The following PCDH9 variants were observed in gnomAD, a reference collection of about 807,000 sequenced individuals.
The protein encoded by PCDH9 is protocadherin-9.
PCDH9 carries 24 observed loss-of-function variants against 70.6 expected under a neutral mutation model. That is an observed-to-expected ratio of 0.34 (90% CI 0.25 to 0.48). PCDH9 has a LOEUF of 0.48. PCDH9 is among the 20% of genes least tolerant of loss of function. The pLI is 0.99. For missense variants in PCDH9, 1,281 were observed against 1,503.6 expected (o/e 0.85, Z 2.45); for synonymous variants, 562 against 558.5 (o/e 1.01, Z -0.09).
chr13:66,939,162 G>T (rs1354724084), intron 2 of PCDH9, among the ~76,000 whole-genome samples: 2 of 151,832 alleles, frequency 1.3e-5, no homozygotes, highest in African/African-American at 4.8e-5. Flanking sequence ...TACTGTATAA[G>T]ATTCCATGTA....
intron 3 of PCDH9, among the ~76,000 whole-genome samples, chr13:66,759,079 C>T (rs2079581974): frequency 6.6e-6 from 1 of 151,724 alleles, no homozygotes; most frequent in Admixed American, 6.6e-5. Flanking sequence ...CTCTTTGTTT[C>T]ATTAATCTTT....
intron 2 of PCDH9, among the ~76,000 whole-genome samples, chr13:67,048,395 AT>A (rs1367024878): frequency 6.6e-6 from 1 of 152,140 alleles, no homozygotes; most frequent in Non-Finnish European, 1.5e-5. Flanking sequence ...GCCCTGGCCC[AT>A]ATGCTCAGGG....
intron 4 of PCDH9, among the ~76,000 whole-genome samples, chr13:66,426,123 G>A (rs9540754): frequency 0.82 from 124,193 of 151,320 alleles, 52,513 homozygotes; most frequent in South Asian, 0.95. Context: ...CATTCATTAC[G>A]GAAAAAAGTT....
At position 67,167,568 on chromosome 13, in the gene PCDH9, A is replaced by G. The variant is rs147335837; in HGVS notation, c.3036+57837T>C. ...CTTCTAACTCATTTGCTTTAAGTCA[A>G]TATCTTTTTCTTTACAGTGTTGACA... is the stretch of plus-strand genomic sequence containing the variant. On this transcript the variant is annotated intron_variant, in intron 2 of 4. Transcript: ENST00000377865. Among the ~76,000 whole-genome samples the G allele has an allele frequency of 8.3e-4, 126 of 152,272 alleles. 3 individuals carry two copies. In the East Asian group the frequency reaches 0.023, roughly 28 times the overall value.
intron 3 of PCDH9, among the ~76,000 whole-genome samples, chr13:66,857,648 T>C (rs1399085355): frequency 2.0e-5 from 3 of 152,152 alleles, no homozygotes; most frequent in African/African-American, 4.8e-5. Context: ...ATTCATTCTT[T>C]ATTTGGGGGC....
chr13:66,505,735 A>C (rs530069134), intron 4 of PCDH9, among the ~76,000 whole-genome samples: 27 of 152,296 alleles, frequency 1.8e-4, no homozygotes, highest in Admixed American at 4.6e-4. Flanking sequence ...CACCACTATG[A>C]TTCAATTACC....
chr13:66,893,810 T>C (rs1458867714), intron 3 of PCDH9, among the ~76,000 whole-genome samples: 1 of 152,176 alleles, frequency 6.6e-6, no homozygotes, highest in Non-Finnish European at 1.5e-5. Flanking sequence ...TGTTTCCTCA[T>C]GCTATTCCAT....
At chr13:66,354,590 C>T (rs960743698) in intron 4 of PCDH9, among the ~76,000 whole-genome samples, 3 of 151,224 alleles carry the variant, frequency 2.0e-5, no homozygotes, top group Admixed American at 6.6e-5. Flanking sequence ...TTTCTAATAG[C>T]GGTAGAAGGG....
intron 3 of PCDH9, among the ~76,000 whole-genome samples, chr13:66,817,931 T>G (rs1036053830): frequency 1.3e-5 from 2 of 152,166 alleles, no homozygotes; most frequent in African/African-American, 4.8e-5. Flanking sequence ...CCCGGTCTGA[T>G]TTTTATTTTT....
chr13:66,393,382 A>G (rs1957050904), intron 4 of PCDH9, among the ~76,000 whole-genome samples: 1 of 152,164 alleles, frequency 6.6e-6, no homozygotes, highest in African/African-American at 2.4e-5. Context: ...ATATGTAAAG[A>G]GCTGAGTTGG....
rs112470047 is a variant in PCDH9 at position 66,649,493 on chromosome 13, G to C, written c.3139-18082C>G. Among the ~76,000 whole-genome samples the C allele has an allele frequency of 1.3e-3, 205 of 152,014 alleles. 1 individual carries two copies. The highest frequency in any genetic ancestry group is 4.6e-3 in the African/African-American group (192 of 41,460). ...CCTTCAAACATGAAGGACAAATAAA[G>C]AGTTTCCCAGAAAAACAAAAGCTAA... On this transcript the variant is annotated intron_variant, in intron 3 of 4. Transcript: ENST00000377865.
intron 3 of PCDH9, among the ~76,000 whole-genome samples, chr13:66,874,927 G>GTGTGTGTGTGTGTGTGTT: frequency 7.4e-6 from 1 of 135,202 alleles, no homozygotes; most frequent in African/African-American, 2.6e-5. Flanking sequence ...GTGTGTGTGT[G>GTGTGTGTGTGTGTGTGTT]TGTGTGTGTG....
At chr13:66,542,436 G>T (rs1439137775) in intron 4 of PCDH9, among the ~76,000 whole-genome samples, 1 of 151,864 alleles carries the variant, frequency 6.6e-6, no homozygotes, top group African/African-American at 2.4e-5. Context: ...TAATGTGGGT[G>T]TGCCTTGTCC....
At chr13:66,599,350 A>G (rs534462853) in intron 4 of PCDH9, among the ~76,000 whole-genome samples, 1 of 151,918 alleles carries the variant, frequency 6.6e-6, no homozygotes, top group African/African-American at 2.4e-5. Context: ...TAAAATCCTG[A>G]TTGAGAAATA....
At chr13:66,779,392 C>T (rs963742642) in intron 3 of PCDH9, among the ~76,000 whole-genome samples, 1 of 152,142 alleles carries the variant, frequency 6.6e-6, no homozygotes, top group African/African-American at 2.4e-5. Context: ...ACAATGGGAT[C>T]TTATTCAGAC....
intron 2 of PCDH9, among the ~76,000 whole-genome samples, chr13:67,199,633 T>C (rs867843956): frequency 6.6e-6 from 1 of 152,048 alleles, no homozygotes; most frequent in African/African-American, 2.4e-5. Context: ...ATAGAACTGC[T>C]GGAAACCATT....
intron 3 of PCDH9, among the ~76,000 whole-genome samples, chr13:66,892,027 A>T (rs2082103988): frequency 6.6e-6 from 1 of 151,758 alleles, no homozygotes; most frequent in Non-Finnish European, 1.5e-5. Flanking sequence ...GTGGCCTATT[A>T]AAACTTGAAA....
At chr13:66,765,012 GTC>G (rs1566179032) in intron 3 of PCDH9, among the ~76,000 whole-genome samples, 1 of 151,266 alleles carries the variant, frequency 6.6e-6, no homozygotes, top group Non-Finnish European at 1.5e-5. Context: ...CTCTCTCTCT[GTC>G]TCTTTCTCTT....
At chr13:66,389,320 A>T (rs879122261) in intron 4 of PCDH9, among the ~76,000 whole-genome samples, 2 of 152,292 alleles carry the variant, frequency 1.3e-5, no homozygotes, top group African/African-American at 4.8e-5. Context: ...TTTGAAAAAA[A>T]TGTGACCTGT....
Sources: allele counts gnomAD v4.1 joint callset (sites outside exome capture counted in the v4.1 genomes callset), GRCh38; gene constraint gnomAD v4.1.1; transcripts MANE v1.5; gene names NCBI Gene and HGNC (gene_info 2026-07-23, HGNC 2026-07-21).